USHBP1: variants seen among roughly 807,000 people sequenced by gnomAD.
USHBP1 encodes harmonin-binding protein USHBP1.
A neutral mutation model predicts 76.2 loss-of-function variants in USHBP1; 67 were observed. The ratio of observed to expected loss-of-function variants is 0.88; its 90% CI spans 0.72 to 1.08. The LOEUF (loss-of-function observed/expected upper bound fraction) is 1.08, where lower values mean the gene tolerates loss of function less well. Ranked by LOEUF, USHBP1 falls within the 50% of genes least tolerant of loss-of-function variation. The probability of loss-of-function intolerance (pLI) is 0.00; values close to 1 mark genes in which losing one functional copy is unlikely to be tolerated. For missense variants in USHBP1, 931 were observed against 915.0 expected, an observed-to-expected ratio of 1.02 and a Z score of -0.23; for synonymous variants, 322 against 362.2, an observed-to-expected ratio of 0.89 and a Z score of 1.26.
intron 4 of USHBP1, among the ~76,000 whole-genome samples, 183 bp downstream of exon 4, chr19:17,262,369 A>C (rs1225679037): frequency 6.6e-6 from 1 of 151,842 alleles, no homozygotes; most frequent in East Asian, 1.9e-4. Context: ...GCTGGTCTTG[A>C]ACTCCTGGCC....
Position 17,259,622 on chromosome 19 carries a change from C to T in USHBP1, c.879G>A (p.Met293Ile). 6.2e-7 allele frequency: 1 copy of T among 1,613,084 alleles called. No homozygotes were observed. The highest frequency in any genetic ancestry group is 8.5e-7 in the Non-Finnish European group (1 of 1,179,618). The change falls in exon 6 of 13, where the codon ATG becomes ATA. Residue 293 changes from methionine (M) to isoleucine (I), a missense_variant. Met to Ile is a conservative substitution (Grantham distance 10). Transcript: ENST00000252597. The part of the protein sequence containing the change: ...NQPLSPEMHI[M>I]EAQMEQLRGS... The stretch of plus-strand genomic sequence containing the variant: ...CCCGGAGTTGCTCCATCTGGGCTTC[C>T]ATGATGTGCATCTCAGGACTGAGGG...
chr19:17,259,019 G>T (rs1047876413), intron 7 of USHBP1, among the ~76,000 whole-genome samples: 3 of 151,948 alleles, frequency 2.0e-5, no homozygotes, highest in Non-Finnish European at 2.9e-5. Flanking sequence ...ACAAAAATTA[G>T]CTGGCTATGG....
At chr19:17,253,297 T>C (rs1009007769) in intron 10 of USHBP1, among the ~76,000 whole-genome samples, 62 of 128,356 alleles carry the variant, frequency 4.8e-4, no homozygotes, top group South Asian at 1.3e-3. Context: ...AATTTTTTTT[T>C]CTTTTTTTTT....
rs555943956 is a variant in USHBP1 at position 17,254,431 on chromosome 19, G to A, written c.1692+954C>T. On this transcript the variant is annotated intron_variant, in intron 10 of 12. Transcript: ENST00000252597. ...AACACTTTGGGAGGCTGAGGCGGGC[G>A]CATCACCTGAGGTTCAGAGTTCGAG... 2.0e-3 allele frequency among the ~76,000 whole-genome samples: 298 copies of A among 151,822 alleles called. 1 individual carries two copies. The highest frequency in any genetic ancestry group is 6.9e-3 in the African/African-American group (284 of 41,432).
At chr19:17,251,542 A>G in intron 12 of USHBP1, 40 bp downstream of exon 12, 1 of 1,608,836 alleles carries the variant, frequency 6.2e-7, no homozygotes, top group African/African-American at 1.3e-5. Flanking sequence ...CTGGTGGGGG[A>G]TGGTGCCAGG....
chr19:17,263,791 G>A (rs777965730), intron 3 of USHBP1: 15 of 559,620 alleles, frequency 2.7e-5, no homozygotes, highest in Non-Finnish European at 3.8e-5. Context: ...CGCTTGAACC[G>A]GGAGGCAGGG....
In USHBP1 at chr19:17,250,234, G is replaced by A; in HGVS notation, c.2103C>T (p.Thr701=). Residue 701 remains threonine, a synonymous_variant, in exon 13 of 13, where the codon ACC becomes ACT. Coordinates refer to ENST00000252597, the MANE Select transcript of USHBP1 (RefSeq NM_031941.4). The stretch of plus-strand genomic sequence containing the variant: ...TGGCTGGGTAAGGGGCCTACAGAAA[G>A]GTGTCCCCAAGCTGGGGAGGCGGGA... ...PPLPPPQLGD[T]FL is the part of the protein sequence containing the mutation. 2 of 1,608,838 alleles carry A rather than the reference G, an allele frequency of 1.2e-6. No individual in the cohort carries two copies. The highest frequency in any genetic ancestry group is 2.2e-5 in the East Asian group (1 of 44,518).
At chr19:17,255,278 G>A in intron 10 of USHBP1, 107 bp downstream of exon 10, 1 of 1,276,050 alleles carries the variant, frequency 7.8e-7, no homozygotes, top group Non-Finnish European at 1.1e-6. Flanking sequence ...GGCAACAAGA[G>A]CCAAACTCCG....
Position 17,264,257 on chromosome 19 carries a change from G to T in USHBP1, c.43C>A (p.His15Asn), listed in dbSNP as rs1438287641. Reference sequence around the variant, plus strand: ...AGGGTGACACTTACGGGTGGAGCATGCCTCCCTCGCCGGCTTCGGGGCCGC... The same window carrying T: ...AGGGTGACACTTACGGGTGGAGCATTCCTCCCTCGCCGGCTTCGGGGCCGC... ...ATRPRSRRGRHAPPGELDPVA... is the reference protein window; with the variant it reads ...ATRPRSRRGRNAPPGELDPVA... Residue 15 changes from histidine (H) to asparagine (N), a missense_variant, in exon 2 of 13, where the codon CAT becomes AAT. Transcript: ENST00000252597. 6 of 1,613,890 alleles carry T rather than the reference G, an allele frequency of 3.7e-6. No homozygotes were observed. The highest frequency in any genetic ancestry group is 5.1e-6 in the Non-Finnish European group (6 of 1,179,940).
intron 10 of USHBP1, among the ~76,000 whole-genome samples, chr19:17,252,520 CG>C (rs1402191971): frequency 1.3e-5 from 2 of 151,714 alleles, no homozygotes; most frequent in African/African-American, 4.8e-5. Context: ...TGAGGTCAGG[CG>C]TTCAAGACCA....
At chr19:17,263,527 G>C (rs1193666887) in intron 3 of USHBP1, 1 of 158,366 alleles carries the variant, frequency 6.3e-6, no homozygotes, top group African/African-American at 2.4e-5. Flanking sequence ...GAGAAACAGA[G>C]TGAAGTTGGA....
chr19:17,262,604 G>A lies in USHBP1; in HGVS notation c.590C>T (p.Thr197Met), dbSNP rs773427951. 33 of 1,613,504 alleles carry A rather than the reference G, an allele frequency of 2.0e-5. No homozygotes were observed. The highest frequency in any genetic ancestry group is 1.7e-4 in the African/African-American group (13 of 74,924). The part of the protein sequence containing the change: ...LSSREDELVR[T>M]QASLEAIRAE... ...TCGGATGGCCTCCAGGGAGGCCTGC[G>A]TGCGGACCAGCTCATCCTCTCGGCT... is the stretch of plus-strand genomic sequence containing the variant. The change falls in exon 4 of 13, where the codon ACG becomes ATG. Residue 197 changes from threonine to methionine, a missense_variant. By Grantham distance (81) the Thr-to-Met change is moderately conservative. Coordinates refer to ENST00000252597, the MANE Select transcript of USHBP1 (RefSeq NM_031941.4).
chr19:17,258,937 TA>T, intron 7 of USHBP1, among the ~76,000 whole-genome samples: 1 of 150,762 alleles, frequency 6.6e-6, no homozygotes, highest in East Asian at 2.0e-4. Flanking sequence ...GGAGGCCCAG[TA>T]GGGGGGATCA....
intron 4 of USHBP1, among the ~76,000 whole-genome samples, chr19:17,261,644 T>A (rs1338966977): frequency 1.2e-4 from 17 of 147,378 alleles, no homozygotes; most frequent in African/African-American, 1.8e-4. Context: ...ATTATTATTT[T>A]TTTTTTTTTT....
intron 10 of USHBP1, among the ~76,000 whole-genome samples, chr19:17,254,170 C>G (rs1230785411): frequency 6.6e-6 from 1 of 151,622 alleles, no homozygotes; most frequent in Non-Finnish European, 1.5e-5. Flanking sequence ...AATGAAACCC[C>G]GTCTCTACTA....
intron 9 of USHBP1, among the ~76,000 whole-genome samples, chr19:17,255,961 C>A (rs1018216516): frequency 6.6e-6 from 1 of 151,888 alleles, no homozygotes; most frequent in African/African-American, 2.4e-5. Context: ...GCCAAGATAG[C>A]GCCACAGCAC....
At chr19:17,251,446 G>A in intron 12 of USHBP1, 136 bp downstream of exon 12, 3 of 1,251,830 alleles carry the variant, frequency 2.4e-6, no homozygotes, top group South Asian at 2.7e-5. Context: ...TTACAGGTGT[G>A]AGCCACCACA....
chr19:17,251,776 C>G, intron 11 of USHBP1, 72 bp from the exon 12 acceptor site: 1 of 1,601,166 alleles, frequency 6.2e-7, no homozygotes, highest in African/African-American at 1.3e-5. Context: ...TCCTACCCAC[C>G]TGCCCACAGT....
At chr19:17,251,556 A>T (rs759753166) in intron 12 of USHBP1, 26 bp downstream of exon 12, 9 of 1,611,356 alleles carry the variant, frequency 5.6e-6, no homozygotes, top group Non-Finnish European at 7.6e-6. Context: ...TGCCAGGGGG[A>T]TTGGGGGGAT....
Sources: allele counts gnomAD v4.1 joint callset (sites outside exome capture counted in the v4.1 genomes callset), GRCh38; gene constraint gnomAD v4.1.1; transcripts MANE v1.5; gene names NCBI Gene and HGNC (gene_info 2026-07-23, HGNC 2026-07-21).